The following THSD7A variants were observed in gnomAD, a reference collection of about 807,000 sequenced individuals.
THSD7A encodes the protein thrombospondin type-1 domain-containing protein 7A.
In THSD7A, 96 loss-of-function variants were observed where a neutral mutation model predicts 231.3. That is an observed-to-expected ratio of 0.41 (90% CI 0.35 to 0.49). THSD7A has a LOEUF of 0.49. Among genes scored for constraint, THSD7A ranks in the 20% least tolerant of loss-of-function variants. The pLI, the probability that THSD7A is intolerant of heterozygous loss-of-function variation, is 0.05. For missense variants in THSD7A, 2,290 were observed against 2,070.2 expected, an observed-to-expected ratio of 1.11 and a Z score of -2.06; for synonymous variants, 940 against 743.3, an observed-to-expected ratio of 1.26 and a Z score of -4.30.
chr7:11,636,526 G>A lies in THSD7A; in HGVS notation c.626C>T (p.Thr209Ile). The A allele has an allele frequency of 1.2e-6, 2 of 1,613,954 alleles. No homozygotes were observed. Among genetic ancestry groups the A allele is most frequent in the Non-Finnish European group, 1.7e-6 (2 of 1,179,896 alleles). Residue 209 changes from threonine to isoleucine, a missense_variant, in exon 2 of 28, where the codon ACC becomes ATC. Physicochemically the swap from Thr to Ile is moderately conservative, Grantham distance 89. Coordinates refer to ENST00000423059, the MANE Select transcript of THSD7A (RefSeq NM_015204.3). This position sits in a 1 kb window ranked among gnomAD's most constrained non-coding sequence, Gnocchi z 10.0. ...EFSAWSECSK[T>I]CGSGLQHRTR... ...CCGGTGCTGGAGCCCGCTGCCGCAG[G>A]TCTTGGAGCATTCGGACCAGGCAGA...
At chr7:11,827,986 G>A (rs1056689311) in intron 1 of THSD7A, among the ~76,000 whole-genome samples, 10 of 152,086 alleles carry the variant, frequency 6.6e-5, no homozygotes, top group African/African-American at 2.4e-4. Context: ...GCTTCAGTGT[G>A]ACCTCAAGCC....
intron 1 of THSD7A, among the ~76,000 whole-genome samples, chr7:11,746,745 GTTA>G (rs1782320124): frequency 6.6e-6 from 1 of 151,718 alleles, no homozygotes; most frequent in Admixed American, 6.6e-5. Context: ...CCACTATAAA[GTTA>G]TTATTTCCTC....
Position 11,407,333 on chromosome 7 carries a change from C to G in THSD7A, c.3889G>C (p.Glu1297Gln), listed in dbSNP as rs1483596543. Residue 1297 changes from glutamate (E) to glutamine (Q), a missense_variant, in exon 20 of 28, where the codon GAA (glutamate) becomes CAA (glutamine). Coordinates refer to ENST00000423059, the MANE Select transcript of THSD7A (RefSeq NM_015204.3). ...GTGAGGCCACATGTTTGAGAACATT[C>G]TGACCAAGGAGACCAATCAGAAAGC... is the stretch of plus-strand genomic sequence containing the variant. ...CQLSDWSPWS[E>Q]CSQTCGLTGK... 6.2e-7 allele frequency: 1 copy of G among 1,613,390 alleles called. No homozygotes were observed. The highest frequency in any genetic ancestry group is 8.5e-7 in the Non-Finnish European group (1 of 1,179,748).
chr7:11,479,063 C>G (rs149986909), intron 7 of THSD7A, among the ~76,000 whole-genome samples: 3 of 152,236 alleles, frequency 2.0e-5, no homozygotes, highest in Middle Eastern at 3.4e-3. Context: ...GGAACCAGGT[C>G]TTCATATGGT....
chr7:11,665,179 T>C (rs991217723), intron 1 of THSD7A, among the ~76,000 whole-genome samples: 6 of 152,116 alleles, frequency 3.9e-5, no homozygotes, highest in African/African-American at 1.4e-4. Context: ...GGACAAAGCA[T>C]ATTTCCAAGG....
At chr7:11,465,220 A>G (rs1471387757) in intron 9 of THSD7A, among the ~76,000 whole-genome samples, 1 of 152,148 alleles carries the variant, frequency 6.6e-6, no homozygotes. Flanking sequence ...ATTAGTTAGC[A>G]CCTTCTATTT....
At chr7:11,806,780 C>T (rs1195654666) in intron 1 of THSD7A, among the ~76,000 whole-genome samples, 1 of 152,040 alleles carries the variant, frequency 6.6e-6, no homozygotes, top group Non-Finnish European at 1.5e-5. Flanking sequence ...AGGAAAGGTG[C>T]CCAGTACACA....
At chr7:11,646,212 G>T (rs952767733) in intron 1 of THSD7A, among the ~76,000 whole-genome samples, 1 of 151,864 alleles carries the variant, frequency 6.6e-6, no homozygotes, top group Non-Finnish European at 1.5e-5. Flanking sequence ...TTGAACAGTT[G>T]CACTGCCAAT....
chr7:11,408,855 A>G (rs929181912), intron 19 of THSD7A, among the ~76,000 whole-genome samples: 6 of 152,188 alleles, frequency 3.9e-5, no homozygotes, highest in African/African-American at 1.2e-4. Context: ...ATATCACTCA[A>G]TCGAAGCCTC....
Position 11,831,812 on chromosome 7 carries a change from G to T in THSD7A, c.135C>A (p.Gly45=). The change falls in exon 1 of 28, where the codon GGC becomes GGA. Residue 45 remains glycine (G), a synonymous_variant. Coordinates refer to ENST00000423059, the MANE Select transcript of THSD7A (RefSeq NM_015204.3). This position sits in a 1 kb window ranked among gnomAD's most constrained non-coding sequence, Gnocchi z 5.0. ...LLLLLLRPGA[G]RAAAQGEAEA... is the part of the protein sequence containing the mutation. ...CCGCCTCGCCCTGCGCCGCAGCCCTGCCGGCGCCCGGGCGTAGCAGCAGCA... is the reference window on the plus strand; with the variant it reads ...CCGCCTCGCCCTGCGCCGCAGCCCTTCCGGCGCCCGGGCGTAGCAGCAGCA... 1 of 1,451,870 alleles carries T rather than the reference G, an allele frequency of 6.9e-7. No homozygotes were observed. The highest frequency in any genetic ancestry group is 9.1e-7 in the Non-Finnish European group (1 of 1,098,446). The allele number at this position is 1,451,870 out of a possible 1,614,324, so 89.9% of individuals were successfully genotyped here.
chr7:11,717,077 G>A (rs1781164714), intron 1 of THSD7A, among the ~76,000 whole-genome samples: 1 of 126,254 alleles, frequency 7.9e-6, no homozygotes, highest in Non-Finnish European at 1.7e-5. Context: ...AATGTGATAA[G>A]AGAGAAAGCT....
intron 1 of THSD7A, among the ~76,000 whole-genome samples, chr7:11,709,975 A>G (rs140992193): frequency 2.9e-3 from 443 of 151,020 alleles, no homozygotes; most frequent in African/African-American, 0.01. Context: ...GGTTGGATCA[A>G]ATGTATGGCT....
intron 22 of THSD7A, among the ~76,000 whole-genome samples, chr7:11,404,271 A>C (rs975077023): frequency 3.9e-5 from 6 of 152,194 alleles, no homozygotes; most frequent in African/African-American, 1.4e-4. Context: ...CTGTAATTAC[A>C]TTTGATAAGT....
At position 11,609,951 on chromosome 7, in the gene THSD7A, A is replaced by G. The variant is rs974618868; in HGVS notation, c.1023-16449T>C. ...TCACTGACCATCTCTACATCTCTAA[A>G]TTAGGGAGAGAAGCATTTCCATTTT... On this transcript the variant is annotated intron_variant, in intron 2 of 27. Coordinates refer to ENST00000423059, the MANE Select transcript of THSD7A (RefSeq NM_015204.3). Among the ~76,000 whole-genome samples, 5 of 152,292 alleles carry G rather than the reference A, an allele frequency of 3.3e-5. No individual in the cohort carries two copies. In the South Asian group the frequency reaches 1.0e-3, roughly 32 times the overall value.
At chr7:11,688,649 G>C (rs139521481) in intron 1 of THSD7A, among the ~76,000 whole-genome samples, 2,547 of 151,926 alleles carry the variant, frequency 0.017, 32 homozygotes, top group Non-Finnish European at 0.024. Context: ...CAGATAAAGA[G>C]GTAACATGAG....
chr7:11,472,990 G>A (rs1163588878), intron 8 of THSD7A, among the ~76,000 whole-genome samples: 1 of 152,096 alleles, frequency 6.6e-6, no homozygotes, highest in Non-Finnish European at 1.5e-5. Flanking sequence ...TTAATACACT[G>A]TACATTAATT....
At chr7:11,662,188 G>T (rs1782952979) in intron 1 of THSD7A, among the ~76,000 whole-genome samples, 1 of 151,166 alleles carries the variant, frequency 6.6e-6, no homozygotes, top group African/African-American at 2.4e-5. Flanking sequence ...GATCAGACTG[G>T]ATATAAAACC....
chr7:11,591,154 A>G (rs1780148351), intron 3 of THSD7A, among the ~76,000 whole-genome samples: 1 of 101,518 alleles, frequency 9.9e-6, no homozygotes, highest in African/African-American at 4.5e-5. Flanking sequence ...GTCAAGAATA[A>G]GATTTTTTTT....
intron 6 of THSD7A, among the ~76,000 whole-genome samples, chr7:11,536,094 T>C (rs1466997745): frequency 6.6e-6 from 1 of 152,210 alleles, no homozygotes; most frequent in African/African-American, 2.4e-5. Context: ...GTCTGCTACT[T>C]GGGAGTCTTC....
Sources: allele counts gnomAD v4.1 joint callset (sites outside exome capture counted in the v4.1 genomes callset), GRCh38; gene constraint gnomAD v4.1.1; non-coding constraint Gnocchi (gnomAD v3.1); transcripts MANE v1.5; gene names NCBI Gene and HGNC (gene_info 2026-07-23, HGNC 2026-07-21).